Variants in IPCEF1 observed in about 807,000 individuals in gnomAD.
IPCEF1 encodes interaction protein for cytohesin exchange factors 1, also known as interactor protein for cytohesin exchange factors 1.
Under a neutral mutation model 50.9 loss-of-function variants are expected in IPCEF1, and 31 were observed. That is an observed-to-expected ratio of 0.61 (90% CI 0.46 to 0.82). The LOEUF is 0.82. IPCEF1 is among the 40% of genes least tolerant of loss of function. The probability of loss-of-function intolerance (pLI) is 0.00; values close to 1 mark genes in which losing one functional copy is unlikely to be tolerated. For missense variants in IPCEF1, 458 were observed against 514.0 expected (o/e 0.89, Z 1.05); for synonymous variants, 181 against 192.0 (o/e 0.94, Z 0.47).
At chr6:154,247,033 A>C (rs1387807288) in intron 4 of IPCEF1, 2 of 425,804 alleles carry the variant, frequency 4.7e-6, no homozygotes, top group Non-Finnish European at 8.3e-6. Flanking sequence ...GCGCAGCAGG[A>C]GTAATATGCA....
intron 7 of IPCEF1, among the ~76,000 whole-genome samples, chr6:154,215,937 C>T (rs1778358426): frequency 6.6e-6 from 1 of 152,122 alleles, no homozygotes; most frequent in South Asian, 2.1e-4. Flanking sequence ...ATTTTCACCA[C>T]TGGATTGGAA....
At chr6:154,167,357 G>T (rs1799523945) in intron 11 of IPCEF1, among the ~76,000 whole-genome samples, 1 of 152,136 alleles carries the variant, frequency 6.6e-6, no homozygotes, top group East Asian at 1.9e-4. Flanking sequence ...ACATCTGCTG[G>T]TCTATTACCA....
intron 10 of IPCEF1, among the ~76,000 whole-genome samples, chr6:154,179,202 T>C (rs1358561000): frequency 6.6e-6 from 1 of 152,158 alleles, no homozygotes; most frequent in Admixed American, 6.5e-5. Flanking sequence ...AAAACACAGC[T>C]TGTACCTGAC....
chr6:154,353,642 G>C (rs1036915365), intron 1 of IPCEF1, among the ~76,000 whole-genome samples: 1 of 152,058 alleles, frequency 6.6e-6, no homozygotes, highest in African/African-American at 2.4e-5. Context: ...AAATAGTTCA[G>C]GTATGTTCCA....
chr6:154,154,590 G>A lies in IPCEF1; in HGVS notation c.*5238C>T, dbSNP rs1315495492. The A allele has an allele frequency of 6.6e-6, 1 of 152,142 alleles. No individual in the cohort carries two copies. The highest frequency in any genetic ancestry group is 2.4e-5 in the African/African-American group (1 of 41,420). The allele number at this position is 152,142 out of a possible 1,614,324, so 9.4% of individuals were successfully genotyped here. On this transcript the variant is annotated 3_prime_UTR_variant, in exon 12 of 12. Coordinates refer to ENST00000367220, the MANE Select transcript of IPCEF1 (RefSeq NM_001130700.2). The stretch of plus-strand genomic sequence containing the variant: ...CAGAGGGCACTGTAACCTTGTTGTA[G>A]ACGATCAAAACGCAGCCATTAAACA...
chr6:154,229,098 C>G (rs1017254797), intron 5 of IPCEF1, among the ~76,000 whole-genome samples: 1 of 152,184 alleles, frequency 6.6e-6, no homozygotes, highest in African/African-American at 2.4e-5. Flanking sequence ...GCCCCAGGGG[C>G]GGCCCTCCCT....
rs1414175358 is a variant in IPCEF1 at position 154,321,071 on chromosome 6, T to C, written c.-61-31315A>G. On this transcript the variant is annotated intron_variant, in intron 1 of 11. Coordinates refer to ENST00000367220, the MANE Select transcript of IPCEF1 (RefSeq NM_001130700.2). ...TCAGCCTCCTGACTAGCTGGGATTA[T>C]AGGCGCGCACCACCACACCAGGCTA... 2.6e-5 allele frequency among the ~76,000 whole-genome samples: 4 copies of C among 151,652 alleles called. No homozygotes were observed. The South Asian group carries it at 6.3e-4, about 24-fold the overall frequency.
At chr6:154,277,958 C>T (rs574787377) in intron 2 of IPCEF1, among the ~76,000 whole-genome samples, 3 of 152,210 alleles carry the variant, frequency 2.0e-5, no homozygotes, top group Admixed American at 1.3e-4. Context: ...ACCTCACCTA[C>T]ACTGGGTACC....
chr6:154,234,607 C>A (rs539265665), intron 5 of IPCEF1, among the ~76,000 whole-genome samples: 23 of 152,282 alleles, frequency 1.5e-4, no homozygotes, highest in African/African-American at 5.5e-4. Flanking sequence ...TATCACATTA[C>A]GTCATATTTA....
Position 154,215,310 on chromosome 6 carries a change from A to G in IPCEF1, c.393-1034T>C, listed in dbSNP as rs1345549589. Among the ~76,000 whole-genome samples the G allele has an allele frequency of 5.3e-5, 8 of 152,232 alleles. No homozygotes were observed. In the East Asian group the frequency reaches 1.5e-3, roughly 29 times the overall value. On this transcript the variant is annotated intron_variant, in intron 7 of 11. Transcript: ENST00000367220. The stretch of plus-strand genomic sequence containing the variant: ...TGTACCTGTTATTTTTGAATAGAAA[A>G]TATATAACAAATTCAATGCCGGGAG...
intron 1 of IPCEF1, among the ~76,000 whole-genome samples, chr6:154,304,572 G>A (rs1009322259): frequency 2.0e-5 from 3 of 152,092 alleles, no homozygotes; most frequent in Non-Finnish European, 2.9e-5. Flanking sequence ...TCTGAATGAA[G>A]GTTTGCTTGT....
At chr6:154,221,412 GC>G in intron 6 of IPCEF1, 84 bp from the exon 7 acceptor site, 3 of 1,047,378 alleles carry the variant, frequency 2.9e-6, no homozygotes, top group Non-Finnish European at 4.3e-6. Flanking sequence ...TAAAATACAA[GC>G]TTTGTAAACT....
At chr6:154,247,583 G>T in intron 3 of IPCEF1, 95 bp from the exon 4 acceptor site, 1 of 1,041,566 alleles carries the variant, frequency 9.6e-7, no homozygotes, top group Non-Finnish European at 1.5e-6. Flanking sequence ...GTGTTTATGA[G>T]CAGGATGGAA....
Position 154,159,752 on chromosome 6 carries a change from GA to G in IPCEF1, c.*75del. 2.5e-6 allele frequency: 3 copies of G among 1,208,406 alleles called. No individual in the cohort carries two copies. The highest frequency in any genetic ancestry group is 3.6e-6 in the Non-Finnish European group (3 of 844,810). 74.9% of individuals were successfully genotyped at this position (1,208,406 alleles called of 1,614,324 possible). The stretch of plus-strand genomic sequence containing the variant: ...ACTGGGTTTCAGTTTTCCTTTTAAG[GA>G]AAAATGTAAGCTTTTGCAACATCTT... On this transcript the variant is annotated 3_prime_UTR_variant, in exon 12 of 12. Transcript: ENST00000367220.
At chr6:154,180,414 A>ATATATATATATATATATTTTT (rs1241250621) in intron 10 of IPCEF1, among the ~76,000 whole-genome samples, 3 of 65,264 alleles carry the variant, frequency 4.6e-5, no homozygotes, top group Admixed American at 1.4e-4. Context: ...ATATATATAT[A>ATATATATATATATATATTTTT]TTTTTTTTTT....
intron 1 of IPCEF1, among the ~76,000 whole-genome samples, chr6:154,336,842 G>T (rs780955877): frequency 1.3e-5 from 2 of 152,164 alleles, no homozygotes; most frequent in Non-Finnish European, 2.9e-5. Context: ...GGGCTCAAGT[G>T]ATTCTCCCAC....
intron 2 of IPCEF1, among the ~76,000 whole-genome samples, chr6:154,276,244 A>G (rs1562575982): frequency 7.4e-6 from 1 of 135,952 alleles, no homozygotes; most frequent in Non-Finnish European, 1.6e-5. Flanking sequence ...AGAAAGAGAA[A>G]AGGTGGGAGG....
chr6:154,287,266 C>G (rs1782387346), intron 2 of IPCEF1, among the ~76,000 whole-genome samples: 1 of 151,912 alleles, frequency 6.6e-6, no homozygotes, highest in African/African-American at 2.4e-5. Context: ...ACCTCTCCAG[C>G]CATGCTTCCT....
chr6:154,212,148 C>G (rs1371544585), intron 9 of IPCEF1, among the ~76,000 whole-genome samples: 1 of 152,130 alleles, frequency 6.6e-6, no homozygotes, highest in Non-Finnish European at 1.5e-5. Context: ...ATGACCCTTC[C>G]TCGGGGCCAT....
Sources: gnomAD v4.1 joint callset for allele counts (sites outside exome capture counted in the v4.1 genomes callset) on GRCh38, gnomAD v4.1.1 for gene constraint, MANE v1.5 for transcripts, NCBI Gene and HGNC (gene_info 2026-07-23, HGNC 2026-07-21) for gene names.